AFF1: variants seen among roughly 807,000 people sequenced by gnomAD.
AFF1 encodes ALF transcription elongation factor 1, also known as AF4/FMR2 family member 1.
AFF1 carries 48 observed loss-of-function variants against 121.7 expected under a neutral mutation model. The ratio of observed to expected loss-of-function variants is 0.39; its 90% CI spans 0.31 to 0.50. The LOEUF is 0.50. Among genes scored for constraint, AFF1 ranks in the 20% least tolerant of loss-of-function variants. The pLI, the probability that AFF1 is intolerant of heterozygous loss-of-function variation, is 0.76. For missense variants in AFF1, 1,523 were observed against 1,511.7 expected (o/e 1.01, Z -0.12); for synonymous variants, 613 against 563.0 (o/e 1.09, Z -1.26).
intron 11 of AFF1, among the ~76,000 whole-genome samples, chr4:87,109,736 C>G (rs911369496): frequency 1.3e-5 from 2 of 152,034 alleles, no homozygotes; most frequent in Non-Finnish European, 2.9e-5. Flanking sequence ...GATAGTCTGG[C>G]GTTTGTAGTA....
chr4:86,950,189 T>G (rs1169610505), intron 2 of AFF1: 2 of 1,380,718 alleles, frequency 1.4e-6, no homozygotes, highest in Non-Finnish European at 1.0e-6. Flanking sequence ...GGTATTATTA[T>G]TTTTTTAAGA....
chr4:87,066,654 G>A (rs545098405), intron 4 of AFF1, among the ~76,000 whole-genome samples: 1 of 152,274 alleles, frequency 6.6e-6, no homozygotes, highest in East Asian at 1.9e-4. Context: ...GACATGGCCT[G>A]TCTTTACTTT....
intron 2 of AFF1, among the ~76,000 whole-genome samples, chr4:87,002,313 C>T: frequency 6.6e-6 from 1 of 151,138 alleles, no homozygotes; most frequent in East Asian, 2.0e-4. Context: ...CCAGGTTGGT[C>T]TTCAACTCCT....
In AFF1 at chr4:87,125,125, A is replaced by G. The variant is rs1359651681; in HGVS notation, c.2555A>G (p.Lys852Arg). ...SQSSSSSSSH[K>R]ESSKTKPSRP... ...TCATCTTCATCTTCATCCTCCCACAAAGAATCTTCTAAAACAAAGTGAGTA... is the reference window on the plus strand; with the variant it reads ...TCATCTTCATCTTCATCCTCCCACAGAGAATCTTCTAAAACAAAGTGAGTA... The change falls in exon 13 of 21, where the codon AAA becomes AGA. Residue 852 changes from lysine (K) to arginine (R), a missense_variant. Lys to Arg is a conservative substitution (Grantham distance 26). This residue lies in a region of AFF1 where 905 missense variants were observed against 842.5 expected (regional missense o/e 1.07). Transcript: ENST00000395146. 3.7e-6 allele frequency: 6 copies of G among 1,610,080 alleles called. No homozygotes were observed. Among genetic ancestry groups the G allele is most frequent in the Non-Finnish European group, 5.1e-6 (6 of 1,177,788 alleles).
At chr4:86,988,687 A>G (rs1463429689) in intron 2 of AFF1, among the ~76,000 whole-genome samples, 1 of 152,188 alleles carries the variant, frequency 6.6e-6, no homozygotes, top group Non-Finnish European at 1.5e-5. Flanking sequence ...ATTAGAAAAA[A>G]CTACTTTAAA....
intron 2 of AFF1, among the ~76,000 whole-genome samples, chr4:87,030,290 C>G (rs1728943362): frequency 6.6e-6 from 1 of 152,090 alleles, no homozygotes; most frequent in South Asian, 2.1e-4. Flanking sequence ...GTGGTGGGAC[C>G]AAAGCATCCA....
At chr4:87,019,610 T>G (rs1030169046) in intron 2 of AFF1, among the ~76,000 whole-genome samples, 1 of 152,180 alleles carries the variant, frequency 6.6e-6, no homozygotes, top group Non-Finnish European at 1.5e-5. Flanking sequence ...CCAGAGAGCT[T>G]CTGGATAGCT....
chr4:87,115,091 C>A lies in AFF1; in HGVS notation c.2258C>A (p.Thr753Asn). The change falls in exon 12 of 21, where the codon ACC becomes AAC. Residue 753 changes from threonine to asparagine, a missense_variant. Physicochemically the swap from Thr to Asn is moderately conservative, Grantham distance 65 (BLOSUM62 0). Around this residue, in one of 5 missense-constraint regions of AFF1, gnomAD observed 905 missense variants for 842.5 expected, o/e 1.07. Coordinates refer to ENST00000395146, the MANE Select transcript of AFF1 (RefSeq NM_001166693.3). ...KDRLPLPLRD[T>N]KLLSPLRDTP... ...AGACTCCCATTGCCTTTGAGAGACA[C>A]CAAGCTGCTCTCACCGCTCAGGGAC... 1 of 1,614,156 alleles carries A rather than the reference C, an allele frequency of 6.2e-7. No homozygotes were observed. The highest frequency in any genetic ancestry group is 2.2e-5 in the East Asian group (1 of 44,868).
At chr4:86,997,962 G>A (rs533058165) in intron 2 of AFF1, among the ~76,000 whole-genome samples, 1 of 152,104 alleles carries the variant, frequency 6.6e-6, no homozygotes, top group African/African-American at 2.4e-5. Flanking sequence ...GCCAGGTGTG[G>A]TGGCACATGC....
chr4:86,989,797 C>T (rs771646717), intron 2 of AFF1, among the ~76,000 whole-genome samples: 12 of 152,012 alleles, frequency 7.9e-5, no homozygotes, highest in East Asian at 1.9e-4. Context: ...CAGTGATAGA[C>T]GGGATAAAGA....
Position 86,967,677 on chromosome 4 carries a change from T to A in AFF1, c.38+19106T>A, listed in dbSNP as rs148345486. Among the ~76,000 whole-genome samples the A allele has an allele frequency of 2.7e-3, 400 of 148,456 alleles. 2 individuals are homozygous for A. Among genetic ancestry groups the A allele is most frequent in the African/African-American group, 9.3e-3 (375 of 40,244 alleles). The stretch of plus-strand genomic sequence containing the variant: ...TTTGTAAACAATGAGAAAAGATAGG[T>A]AGGTTGGATGCATGAAACAGAAGAC... On this transcript the variant is annotated intron_variant, in intron 2 of 20. Transcript: ENST00000395146.
chr4:87,012,532 T>C (rs1726882694), intron 2 of AFF1, among the ~76,000 whole-genome samples: 1 of 152,176 alleles, frequency 6.6e-6, no homozygotes, highest in African/African-American at 2.4e-5. Context: ...GTTAAATGAT[T>C]ACCAATCGTT....
intron 12 of AFF1, among the ~76,000 whole-genome samples, chr4:87,118,153 CTT>C (rs1289352682): frequency 6.6e-6 from 1 of 152,228 alleles, no homozygotes. Context: ...CTGTCCCTCT[CTT>C]GGCACAAAAT....
intron 8 of AFF1, among the ~76,000 whole-genome samples, chr4:87,104,075 A>C (rs1725680383): frequency 1.3e-5 from 2 of 152,218 alleles, no homozygotes; most frequent in African/African-American, 4.8e-5. Context: ...CTAACTGACA[A>C]GTCCTATGAC....
chr4:87,047,647 T>A (rs761241056), intron 4 of AFF1, 53 bp downstream of exon 4: 1 of 1,610,136 alleles, frequency 6.2e-7, no homozygotes, highest in Admixed American at 1.7e-5. Flanking sequence ...GGATTTGAGA[T>A]GAAAATGTCC....
chr4:87,026,298 T>C (rs904970320), intron 2 of AFF1, among the ~76,000 whole-genome samples: 5 of 152,200 alleles, frequency 3.3e-5, no homozygotes, highest in Admixed American at 3.3e-4. Flanking sequence ...GGTTTTGCCA[T>C]GTTGGCCAGG....
chr4:86,948,783 A>G (rs1329814459), intron 2 of AFF1, among the ~76,000 whole-genome samples: 1 of 152,146 alleles, frequency 6.6e-6, no homozygotes, highest in Non-Finnish European at 1.5e-5. Flanking sequence ...GAGTCTGTTA[A>G]CTCATTTTTT....
chr4:86,981,242 G>T (rs1723732618), intron 2 of AFF1, among the ~76,000 whole-genome samples: 1 of 152,104 alleles, frequency 6.6e-6, no homozygotes, highest in Non-Finnish European at 1.5e-5. Context: ...TCGATCTCCT[G>T]ACCTCGTGAT....
At chr4:87,111,673 A>G (rs930222979) in intron 11 of AFF1, among the ~76,000 whole-genome samples, 1 of 152,142 alleles carries the variant, frequency 6.6e-6, no homozygotes, top group African/African-American at 2.4e-5. Flanking sequence ...TTTTTAATCA[A>G]TCCCTTATGA....
Sources: allele counts gnomAD v4.1 joint callset (sites outside exome capture counted in the v4.1 genomes callset), GRCh38; gene constraint gnomAD v4.1.1; regional missense constraint gnomAD v4.1.1; transcripts MANE v1.5; gene names NCBI Gene and HGNC (gene_info 2026-07-23, HGNC 2026-07-21).